MAPRE2: variants seen among roughly 807,000 people sequenced by gnomAD.
MAPRE2 encodes the protein microtubule associated protein RP/EB family member 2, also known as microtubule-associated protein RP/EB family member 2.
Under a neutral mutation model 43.2 loss-of-function variants are expected in MAPRE2, and 13 were observed. The ratio of observed to expected loss-of-function variants is 0.30; its 90% CI spans 0.20 to 0.48. MAPRE2 has a LOEUF of 0.48. Among genes scored for constraint, MAPRE2 ranks in the 20% least tolerant of loss-of-function variants. The probability of loss-of-function intolerance (pLI) is 0.99; values close to 1 mark genes in which losing one functional copy is unlikely to be tolerated. For synonymous variants in MAPRE2, 135 were observed against 148.8 expected (o/e 0.91, Z 0.68); for missense variants, 161 against 400.2 (o/e 0.40, Z 5.10).
Position 34,985,501 on chromosome 18 carries a change from A to ATT in MAPRE2, c.-70+8422_-70+8423insTT, listed in dbSNP as rs1568961942. ...ATAATATATATATTGTATATTATAT[A>ATT]ATATATAATATATATATTATATATT... On this transcript the variant is annotated intron_variant, in intron 1 of 7. Transcript: ENST00000413393. 2.5e-4 allele frequency among the ~76,000 whole-genome samples: 11 copies of ATT among 43,744 alleles called. 1 individual carries two copies. The highest frequency in any genetic ancestry group is 1.1e-3 in the African/African-American group (11 of 9,838). The allele number at this position is 43,744 out of a possible 152,430, so 28.7% of individuals were successfully genotyped here. A position where few individuals can be genotyped will look rare whatever the true frequency, so the allele number is the denominator to read the frequency against.
rs1301947063 is a variant in MAPRE2 at position 35,056,133 on chromosome 18, T to TA, written c.123-14055dup. ...AATAAACAGTAGCACTTTGACATCT[T>TA]AAAAAAATTGTAGATTTTTATTTTT... is the stretch of plus-strand genomic sequence containing the variant. On this transcript the variant is annotated intron_variant, in intron 1 of 6. Transcript: ENST00000300249. Among the ~76,000 whole-genome samples, 181 of 152,244 alleles carry TA rather than the reference T, an allele frequency of 1.2e-3. 1 individual carries two copies. Among genetic ancestry groups the TA allele is most frequent in the African/African-American group, 4.2e-3 (175 of 41,544 alleles).
At chr18:35,118,245 CA>C (rs1392897413) in intron 4 of MAPRE2, among the ~76,000 whole-genome samples, 2 of 152,168 alleles carry the variant, frequency 1.3e-5, no homozygotes, top group African/African-American at 2.4e-5. Context: ...CAGCGCGCCT[CA>C]CTCGTATGCT....
At chr18:35,065,159 G>T (rs192688211) in intron 1 of MAPRE2, among the ~76,000 whole-genome samples, 2 of 152,102 alleles carry the variant, frequency 1.3e-5, no homozygotes, top group East Asian at 1.9e-4. Context: ...TTAGCTGGGC[G>T]TGGTGGCATG....
At chr18:35,019,814 G>A (rs990802509) in intron 2 of MAPRE2, among the ~76,000 whole-genome samples, 31 of 151,996 alleles carry the variant, frequency 2.0e-4, no homozygotes, top group Non-Finnish European at 4.4e-5. Context: ...ATATCCCTGT[G>A]AATATAACAT....
chr18:35,013,179 G>A (rs1469730092), intron 2 of MAPRE2, among the ~76,000 whole-genome samples: 1 of 151,982 alleles, frequency 6.6e-6, no homozygotes, highest in East Asian at 1.9e-4. Context: ...AAGTTGAGGA[G>A]GAAGGGAGAA....
intron 1 of MAPRE2, among the ~76,000 whole-genome samples, chr18:35,044,356 G>A (rs544335034): frequency 2.6e-5 from 4 of 152,132 alleles, no homozygotes; most frequent in African/African-American, 9.7e-5. Flanking sequence ...TCAGCCTCAC[G>A]AGTAGCTGGG....
intron 4 of MAPRE2, among the ~76,000 whole-genome samples, chr18:35,120,361 C>T (rs373233888): frequency 6.6e-6 from 1 of 152,164 alleles, no homozygotes; most frequent in Non-Finnish European, 1.5e-5. Flanking sequence ...GAACAGAAGT[C>T]CTAAGGGCTG....
intron 2 of MAPRE2, among the ~76,000 whole-genome samples, chr18:35,024,380 C>T (rs1445520437): frequency 6.6e-6 from 1 of 152,224 alleles, no homozygotes; most frequent in Non-Finnish European, 1.5e-5. Context: ...CATGCTCTGA[C>T]AGCATCCTTG....
chr18:35,102,304 C>A (rs1475950084), intron 4 of MAPRE2, 145 bp downstream of exon 4: 1 of 593,052 alleles, frequency 1.7e-6, no homozygotes, highest in Non-Finnish European at 2.8e-6. Context: ...TTGTCTGTTT[C>A]ACCACATTTA....
At chr18:35,093,342 A>G (rs1233658566) in intron 2 of MAPRE2, among the ~76,000 whole-genome samples, 2 of 152,056 alleles carry the variant, frequency 1.3e-5, no homozygotes, top group Non-Finnish European at 2.9e-5. Flanking sequence ...TACAGCCATT[A>G]TAAAAAACAA....
chr18:35,103,421 A>G (rs983181509), intron 4 of MAPRE2, among the ~76,000 whole-genome samples: 2 of 152,194 alleles, frequency 1.3e-5, no homozygotes, highest in African/African-American at 4.8e-5. Flanking sequence ...GTGCTGAAAG[A>G]GAACCAGATT....
intron 1 of MAPRE2, among the ~76,000 whole-genome samples, chr18:34,985,534 TA>T (rs2097020136): frequency 2.3e-5 from 1 of 44,352 alleles, no homozygotes. Context: ...ATTATAAATA[TA>T]ATATATAATA....
At chr18:35,012,390 A>G (rs917654895) in intron 2 of MAPRE2, among the ~76,000 whole-genome samples, 38 of 152,206 alleles carry the variant, frequency 2.5e-4, no homozygotes, top group Admixed American at 2.4e-3. Context: ...AGTCCAGAGT[A>G]GAACCTTGAA....
chr18:34,990,712 G>A (rs1359076604), intron 1 of MAPRE2, among the ~76,000 whole-genome samples: 4 of 152,038 alleles, frequency 2.6e-5, no homozygotes, highest in South Asian at 4.1e-4. Context: ...CTACACTGAT[G>A]TTTCTAAGTT....
At chr18:35,065,310 A>C (rs1239440313) in intron 1 of MAPRE2, among the ~76,000 whole-genome samples, 2 of 152,064 alleles carry the variant, frequency 1.3e-5, no homozygotes, top group East Asian at 1.9e-4. Context: ...AAAAAAAAAA[A>C]CAAAAAGTGT....
chr18:35,140,478 C>T lies in MAPRE2; in HGVS notation c.*109C>T. ...ACAGAAACCAGTTGTTCCCAATCTG[C>T]CGTTACCATCAACGCACTGTTGCAT... is the stretch of plus-strand genomic sequence containing the variant. On this transcript the variant is annotated 3_prime_UTR_variant, in exon 7 of 7. Coordinates refer to ENST00000300249, the MANE Select transcript of MAPRE2 (RefSeq NM_014268.4). 1.9e-6 allele frequency: 2 copies of T among 1,062,566 alleles called. No individual in the cohort carries two copies. Among genetic ancestry groups the T allele is most frequent in the Non-Finnish European group, 2.8e-6 (2 of 725,722 alleles). 65.8% of individuals were successfully genotyped at this position (1,062,566 alleles called of 1,614,324 possible).
chr18:35,127,819 T>TA (rs1909974762), intron 5 of MAPRE2, among the ~76,000 whole-genome samples: 1 of 152,358 alleles, frequency 6.6e-6, no homozygotes, highest in Middle Eastern at 3.4e-3. Flanking sequence ...ACAGTTATGG[T>TA]AAAATCTAAC....
chr18:35,088,935 A>G (rs1908006368), intron 2 of MAPRE2, among the ~76,000 whole-genome samples: 1 of 152,248 alleles, frequency 6.6e-6, no homozygotes, highest in African/African-American at 2.4e-5. Context: ...AGATGAAACA[A>G]TGAAAACAGA....
chr18:35,025,507 G>A (rs1012355140), intron 2 of MAPRE2, among the ~76,000 whole-genome samples: 1 of 152,092 alleles, frequency 6.6e-6, no homozygotes, highest in Non-Finnish European at 1.5e-5. Flanking sequence ...TGATGTACTC[G>A]ATTGTAATTA....
Sources: gnomAD v4.1 joint callset for allele counts (sites outside exome capture counted in the v4.1 genomes callset) on GRCh38, gnomAD v4.1.1 for gene constraint, MANE v1.5 for transcripts, NCBI Gene and HGNC (gene_info 2026-07-23, HGNC 2026-07-21) for gene names.